The following ACTR2 variants were observed in gnomAD, a reference collection of about 807,000 sequenced individuals.
ACTR2 encodes actin-related protein 2.
A neutral mutation model predicts 50.2 loss-of-function variants in ACTR2; 5 were observed. The ratio of observed to expected loss-of-function variants is 0.10; its 90% CI spans 0.05 to 0.21. ACTR2 has a LOEUF of 0.21. ACTR2 is among the 10% of genes least tolerant of loss of function. The probability of loss-of-function intolerance (pLI) is 1.00; values close to 1 mark genes in which losing one functional copy is unlikely to be tolerated. For synonymous variants in ACTR2, 140 were observed against 162.9 expected (o/e 0.86, Z 1.07); for missense variants, 180 against 480.6 (o/e 0.37, Z 5.85).
At chr2:65,251,389 T>A (rs930607302) in intron 4 of ACTR2, among the ~76,000 whole-genome samples, 3 of 152,228 alleles carry the variant, frequency 2.0e-5, no homozygotes, top group Non-Finnish European at 4.4e-5. Context: ...GAGACAGATT[T>A]TCGCTTTTGT....
chr2:65,248,658 A>G (rs768384966), intron 3 of ACTR2, among the ~76,000 whole-genome samples: 4 of 152,160 alleles, frequency 2.6e-5, no homozygotes, highest in Non-Finnish European at 5.9e-5. Flanking sequence ...ATACGGTTCA[A>G]CAAAGAAGAG....
intron 6 of ACTR2, 52 bp downstream of exon 6, chr2:65,255,746 A>G (rs1236480527): frequency 6.7e-7 from 1 of 1,496,666 alleles, no homozygotes; most frequent in East Asian, 2.3e-5. Context: ...GACAGCCATG[A>G]TTATTGGTGT....
rs1235557519 is a variant in ACTR2 at position 65,233,315 on chromosome 2, T to C, written c.48+5358T>C. ...AGTCTAGATTTTTTTTAATACTGAT[T>C]ATTATTATTATTTGCAGAAGTAATC... On this transcript the variant is annotated intron_variant, in intron 1 of 8. Coordinates refer to ENST00000260641, the MANE Select transcript of ACTR2 (RefSeq NM_005722.4). Among the ~76,000 whole-genome samples the C allele has an allele frequency of 2.0e-5, 3 of 151,466 alleles. No homozygotes were observed. The East Asian group carries it at 5.8e-4, about 29-fold the overall frequency.
At position 65,246,558 on chromosome 2, in the gene ACTR2, G is replaced by T; in HGVS notation, c.194G>T (p.Arg65Leu). 1.2e-6 allele frequency: 2 copies of T among 1,610,366 alleles called. No homozygotes were observed. Among genetic ancestry groups the T allele is most frequent in the Non-Finnish European group, 1.7e-6 (2 of 1,178,754 alleles). Residue 65 changes from arginine to leucine, a missense_variant, in exon 3 of 9, where the codon CGA (arginine) becomes CTA (leucine). Coordinates refer to ENST00000260641, the MANE Select transcript of ACTR2 (RefSeq NM_005722.4). ...LMVGDEASEL[R>L]SMLEVNYPME... Reference sequence around the variant, plus strand: ...GTTGGTGATGAGGCAAGTGAATTACGATCAATGTTAGAAGTTAACTACCCT... The same window carrying T: ...GTTGGTGATGAGGCAAGTGAATTACTATCAATGTTAGAAGTTAACTACCCT...
Position 65,249,699 on chromosome 2 carries a change from C to CA in ACTR2, c.376-1318dup, listed in dbSNP as rs1339419474. On this transcript the variant is annotated intron_variant, in intron 3 of 8. Coordinates refer to ENST00000260641, the MANE Select transcript of ACTR2 (RefSeq NM_005722.4). ...TCAAGGGGTGCTCAGTCAAGATCAC[C>CA]AAAAAAAAAATCATGCAGGATGTTC... 7.9e-3 allele frequency among the ~76,000 whole-genome samples: 1,169 copies of CA among 147,790 alleles called. 28 individuals are homozygous for CA. The highest frequency in any genetic ancestry group is 0.026 in the African/African-American group (1,071 of 40,522).
chr2:65,238,914 G>C (rs1444575229), intron 1 of ACTR2, among the ~76,000 whole-genome samples: 2 of 152,014 alleles, frequency 1.3e-5, no homozygotes, highest in African/African-American at 2.4e-5. Context: ...GTTGCAGTGA[G>C]CTGAGATCAC....
intron 8 of ACTR2, among the ~76,000 whole-genome samples, chr2:65,266,765 G>A (rs1672379280): frequency 1.3e-5 from 2 of 152,146 alleles, no homozygotes; most frequent in Admixed American, 6.6e-5. Context: ...GAATGGAAGC[G>A]AGAATAGAGA....
At chr2:65,248,079 G>A (rs1333487285) in intron 3 of ACTR2, among the ~76,000 whole-genome samples, 1 of 152,190 alleles carries the variant, frequency 6.6e-6, no homozygotes, top group African/African-American at 2.4e-5. Flanking sequence ...GGTCGAGTAA[G>A]TAATATTGGT....
intron 8 of ACTR2, 30 bp from the exon 9 acceptor site, chr2:65,268,534 C>T (rs372771813): frequency 1.3e-5 from 20 of 1,597,568 alleles, no homozygotes; most frequent in Non-Finnish European, 1.6e-5. Context: ...TGCACATGTA[C>T]CATTTCATTA....
intron 1 of ACTR2, among the ~76,000 whole-genome samples, chr2:65,237,244 G>A (rs56308226): frequency 0.088 from 13,359 of 151,942 alleles, 900 homozygotes; most frequent in Non-Finnish European, 0.13. Flanking sequence ...TGCAATGTCT[G>A]CTCTTACTAG....
intron 1 of ACTR2, among the ~76,000 whole-genome samples, chr2:65,235,169 G>GGT (rs35663752): frequency 0.014 from 2,118 of 149,840 alleles, 43 homozygotes; most frequent in African/African-American, 0.033. Flanking sequence ...GTGTGTGAGA[G>GGT]GTGTGTGTGT....
At chr2:65,240,573 G>A (rs55926917) in intron 2 of ACTR2, among the ~76,000 whole-genome samples, 44,089 of 151,978 alleles carry the variant, frequency 0.29, 6,866 homozygotes, top group African/African-American at 0.35. Flanking sequence ...TATTTAAGAT[G>A]AAAGACTACA....
intron 1 of ACTR2, chr2:65,228,160 AC>A (rs1251553913): frequency 2.3e-5 from 10 of 438,396 alleles, no homozygotes; most frequent in Non-Finnish European, 3.9e-5. Flanking sequence ...TTAGCCTGCC[AC>A]CCCCTCACCC....
chr2:65,268,014 T>G (rs1672415268), intron 8 of ACTR2, among the ~76,000 whole-genome samples: 1 of 151,864 alleles, frequency 6.6e-6, no homozygotes, highest in Non-Finnish European at 1.5e-5. Flanking sequence ...TTTTTTTGTA[T>G]TTTTAGTAGA....
At position 65,269,942 on chromosome 2, in the gene ACTR2, C is replaced by T. The variant is rs576892638; in HGVS notation, c.*1208C>T. Reference sequence around the variant, plus strand: ...TAATTTTTTTATTTGTACTGAAAAACTAATCATAACTGTTAATTCTCAGCC... The same window carrying T: ...TAATTTTTTTATTTGTACTGAAAAATTAATCATAACTGTTAATTCTCAGCC... On this transcript the variant is annotated 3_prime_UTR_variant, in exon 9 of 9. Transcript: ENST00000260641. 1 of 152,224 alleles carries T rather than the reference C, an allele frequency of 6.6e-6. No homozygotes were observed. The highest frequency in any genetic ancestry group is 1.9e-4 in the East Asian group (1 of 5,186). 9.4% of individuals were successfully genotyped at this position (152,224 alleles called of 1,614,324 possible).
intron 6 of ACTR2, among the ~76,000 whole-genome samples, chr2:65,259,027 C>T (rs1020011789): frequency 6.6e-6 from 1 of 151,674 alleles, no homozygotes; most frequent in Admixed American, 6.6e-5. Context: ...GGCTGCAGTG[C>T]AGTGGCATGA....
chr2:65,247,968 G>C (rs1671970699), intron 3 of ACTR2, among the ~76,000 whole-genome samples: 1 of 152,150 alleles, frequency 6.6e-6, no homozygotes. Flanking sequence ...TCCAGATAAA[G>C]GGAGTAGCCA....
intron 2 of ACTR2, among the ~76,000 whole-genome samples, chr2:65,241,041 C>T (rs1671832794): frequency 6.6e-6 from 1 of 150,568 alleles, no homozygotes; most frequent in African/African-American, 2.4e-5. Context: ...ATTTTTCTGG[C>T]CTCTCCTGTT....
At chr2:65,267,270 A>G (rs1489101598) in intron 8 of ACTR2, among the ~76,000 whole-genome samples, 2 of 152,194 alleles carry the variant, frequency 1.3e-5, no homozygotes, top group African/African-American at 4.8e-5. Context: ...CCTTCTAGCT[A>G]CATGTGGGGT....
Sources: gnomAD v4.1 joint callset for allele counts (sites outside exome capture counted in the v4.1 genomes callset) on GRCh38, gnomAD v4.1.1 for gene constraint, MANE v1.5 for transcripts, NCBI Gene and HGNC (gene_info 2026-07-23, HGNC 2026-07-21) for gene names.